ERBB4: variants seen among roughly 807,000 people sequenced by gnomAD.
The protein encoded by ERBB4 is receptor tyrosine-protein kinase erbB-4.
ERBB4 carries 42 observed loss-of-function variants against 158.0 expected under a neutral mutation model. The observed-to-expected ratio is 0.27, with a 90% CI of 0.21 to 0.34. ERBB4 has a LOEUF of 0.34. ERBB4 is among the 10% of genes least tolerant of loss of function. The probability of loss-of-function intolerance (pLI) is 1.00; values close to 1 mark genes in which losing one functional copy is unlikely to be tolerated. For missense variants in ERBB4, 1,333 were observed against 1,624.1 expected (o/e 0.82, Z 3.08); for synonymous variants, 583 against 558.7 (o/e 1.04, Z -0.61).
intron 1 of ERBB4, among the ~76,000 whole-genome samples, chr2:212,174,639 A>C (rs556097572): frequency 6.6e-6 from 1 of 152,200 alleles, no homozygotes; most frequent in Admixed American, 6.6e-5. Context: ...TGCTTGAAGC[A>C]GTTCATCTTT....
intron 22 of ERBB4, among the ~76,000 whole-genome samples, chr2:211,426,572 A>C (rs2063632253): frequency 6.6e-6 from 1 of 152,148 alleles, no homozygotes; most frequent in Non-Finnish European, 1.5e-5. Context: ...AACATGAAGA[A>C]AAATGTTACA....
In ERBB4 at chr2:211,773,641, TATATATA is replaced by T. The variant is rs1559506460; in HGVS notation, c.556+14377_556+14383del. On this transcript the variant is annotated intron_variant, in intron 4 of 27. Coordinates refer to ENST00000342788, the MANE Select transcript of ERBB4 (RefSeq NM_005235.3). ...ATATATATATATATATATATATATA[TATATATA>T]ATATATATACACACACACACACTTC... Among the ~76,000 whole-genome samples the T allele has an allele frequency of 2.8e-3, 245 of 87,648 alleles. 4 individuals carry two copies. Among genetic ancestry groups the T allele is most frequent in the Middle Eastern group, 0.012 (2 of 164 alleles). The allele number at this position is 87,648 out of a possible 152,430, so 57.5% of individuals were successfully genotyped here. A position where few individuals can be genotyped will look rare whatever the true frequency, so the allele number is the denominator to read the frequency against.
intron 20 of ERBB4, among the ~76,000 whole-genome samples, chr2:211,515,420 A>T (rs1033989646): frequency 1.3e-5 from 2 of 152,100 alleles, no homozygotes; most frequent in African/African-American, 4.8e-5. Context: ...AAACACAGGG[A>T]AGTTTTAATC....
At chr2:211,609,961 T>C (rs1459193219) in intron 19 of ERBB4, among the ~76,000 whole-genome samples, 1 of 151,626 alleles carries the variant, frequency 6.6e-6, no homozygotes, top group Non-Finnish European at 1.5e-5. Context: ...AATGAGGAAT[T>C]CTCTTGATTA....
intron 3 of ERBB4, among the ~76,000 whole-genome samples, chr2:211,888,392 T>G (rs1411323023): frequency 6.6e-6 from 1 of 152,230 alleles, no homozygotes; most frequent in Non-Finnish European, 1.5e-5. Flanking sequence ...CCACTTATGA[T>G]TATATATTTC....
chr2:212,286,762 G>T (rs2085993782), intron 1 of ERBB4, among the ~76,000 whole-genome samples: 1 of 14,906 alleles, frequency 6.7e-5, no homozygotes, highest in Non-Finnish European at 2.0e-4. Flanking sequence ...GCACCATGAG[G>T]GTTAATTTTT....
chr2:211,624,184 C>T, intron 17 of ERBB4, 140 bp from the exon 18 acceptor site: 1 of 913,098 alleles, frequency 1.1e-6, no homozygotes, highest in Non-Finnish European at 1.8e-6. Flanking sequence ...CAACCAATAC[C>T]TTCGTAATAT....
At chr2:211,523,329 C>T (rs60427001) in intron 20 of ERBB4, among the ~76,000 whole-genome samples, 1 of 149,626 alleles carries the variant, frequency 6.7e-6, no homozygotes, top group Admixed American at 6.7e-5. Flanking sequence ...AATCTATGTG[C>T]TTGGGAAAGG....
At chr2:211,898,189 A>G (rs1197871171) in intron 3 of ERBB4, among the ~76,000 whole-genome samples, 5 of 152,084 alleles carry the variant, frequency 3.3e-5, no homozygotes, top group Non-Finnish European at 7.4e-5. Context: ...TTTATTTTCC[A>G]TTAGACTAAA....
At chr2:211,462,392 T>C (rs1343041578) in intron 20 of ERBB4, among the ~76,000 whole-genome samples, 2 of 152,052 alleles carry the variant, frequency 1.3e-5, no homozygotes, top group Non-Finnish European at 2.9e-5. Context: ...ATCGGAGTGA[T>C]TGTATGTTAT....
chr2:212,281,256 C>T (rs16848151), intron 1 of ERBB4, among the ~76,000 whole-genome samples: 7,045 of 151,718 alleles, frequency 0.046, 227 homozygotes, highest in African/African-American at 0.089. Flanking sequence ...CTCCCTCTTT[C>T]CAAGATGTTT....
At chr2:211,511,573 T>A (rs1425604129) in intron 20 of ERBB4, among the ~76,000 whole-genome samples, 1 of 152,064 alleles carries the variant, frequency 6.6e-6, no homozygotes, top group African/African-American at 2.4e-5. Flanking sequence ...CTTGAAAAGC[T>A]ATCTATAAAT....
chr2:212,374,438 T>C (rs1393212374), intron 1 of ERBB4, among the ~76,000 whole-genome samples: 9 of 150,054 alleles, frequency 6.0e-5, no homozygotes, highest in Non-Finnish European at 1.3e-4. Flanking sequence ...TGTGCATCTC[T>C]TCCCATAATT....
chr2:212,537,897 G>C (rs1230118339), intron 1 of ERBB4, among the ~76,000 whole-genome samples: 1 of 152,178 alleles, frequency 6.6e-6, no homozygotes, highest in Non-Finnish European at 1.5e-5. Flanking sequence ...TGCCCGGGCT[G>C]GGCGCGAGTT....
chr2:211,990,788 C>G (rs999101381), intron 2 of ERBB4, among the ~76,000 whole-genome samples: 18 of 151,772 alleles, frequency 1.2e-4, no homozygotes, highest in African/African-American at 4.1e-4. Flanking sequence ...GAAGACAAAA[C>G]GTAAGAAGTA....
chr2:211,750,270 G>T (rs1294063949), intron 5 of ERBB4, among the ~76,000 whole-genome samples: 1 of 152,044 alleles, frequency 6.6e-6, no homozygotes, highest in Non-Finnish European at 1.5e-5. Context: ...TGTAATGAAT[G>T]AATAGTGAAA....
At chr2:212,069,264 G>A (rs1209232155) in intron 2 of ERBB4, among the ~76,000 whole-genome samples, 2 of 151,898 alleles carry the variant, frequency 1.3e-5, no homozygotes, top group Non-Finnish European at 2.9e-5. Flanking sequence ...AGGAACACAA[G>A]GTTGGTTTAA....
At chr2:211,594,308 G>A (rs1040658215) in intron 19 of ERBB4, among the ~76,000 whole-genome samples, 134 of 152,082 alleles carry the variant, frequency 8.8e-4, no homozygotes, top group African/African-American at 2.9e-3. Context: ...GCGTGGAAGC[G>A]TGCACCTGTA....
intron 17 of ERBB4, among the ~76,000 whole-genome samples, chr2:211,625,693 T>C (rs534653623): frequency 2.6e-5 from 4 of 152,278 alleles, no homozygotes; most frequent in African/African-American, 7.2e-5. Context: ...AACTCAACCA[T>C]ACAGGAATTG....
Sources: allele counts gnomAD v4.1 joint callset (sites outside exome capture counted in the v4.1 genomes callset), GRCh38; gene constraint gnomAD v4.1.1; transcripts MANE v1.5; gene names NCBI Gene and HGNC (gene_info 2026-07-23, HGNC 2026-07-21).